The following ZSCAN25 variants were observed in gnomAD, a reference collection of about 807,000 sequenced individuals.
The protein encoded by ZSCAN25 is zinc finger and SCAN domain containing 25.
Under a neutral mutation model 38.7 loss-of-function variants are expected in ZSCAN25, and 27 were observed. That is an observed-to-expected ratio of 0.70 (90% CI 0.51 to 0.96). The LOEUF (loss-of-function observed/expected upper bound fraction) is 0.96, where lower values mean the gene tolerates loss of function less well. ZSCAN25 is among the 40% of genes least tolerant of loss of function. The pLI is 0.00. For synonymous variants in ZSCAN25, 273 were observed against 277.7 expected, an observed-to-expected ratio of 0.98 and a Z score of 0.17; for missense variants, 637 against 705.9, an observed-to-expected ratio of 0.90 and a Z score of 1.11.
chr7:99,666,817 A>G, the ZSCAN25 span: 4 of 1,581,654 alleles, frequency 2.5e-6, no homozygotes, highest in East Asian at 2.3e-5. Flanking sequence ...TTTTCTGTAC[A>G]TAAAGATAAA....
the ZSCAN25 span, among the ~76,000 whole-genome samples, chr7:99,653,707 A>ACAGCCACACCAGGGT: frequency 6.6e-6 from 1 of 152,304 alleles, no homozygotes; most frequent in African/African-American, 2.4e-5. This position sits in a 1 kb window ranked among gnomAD's most constrained non-coding sequence, Gnocchi z 4.2. Context: ...TGTCTGCCTC[A>ACAGCCACACCAGGGT]CAGCCACACC....
At chr7:99,653,601 C>G in the ZSCAN25 span, among the ~76,000 whole-genome samples, 2 of 152,086 alleles carry the variant, frequency 1.3e-5, no homozygotes, top group African/African-American at 4.8e-5. This position sits in a 1 kb window ranked among gnomAD's most constrained non-coding sequence, Gnocchi z 4.2. Flanking sequence ...AATAGAACCC[C>G]ACACTCAGCC....
chr7:99,671,096 T>C, the ZSCAN25 span: 1 of 149,656 alleles, frequency 6.7e-6, no homozygotes, highest in Non-Finnish European at 1.5e-5. Flanking sequence ...AGATATATAA[T>C]GAAAACTATA....
chr7:99,655,526 T>C, the ZSCAN25 span, among the ~76,000 whole-genome samples: 1 of 152,222 alleles, frequency 6.6e-6, no homozygotes, highest in South Asian at 2.1e-4. Context: ...GCCTCCGGCT[T>C]TGTTCTTTTG....
At chr7:99,632,660 G>A (rs1321164335), downstream of ZSCAN25, among the ~76,000 whole-genome samples, 3 of 152,132 alleles carry the variant, frequency 2.0e-5, no homozygotes, top group Admixed American at 6.5e-5. Flanking sequence ...CATGGGTGGT[G>A]CATGCCTGTG....
At chr7:99,645,230 C>A in the ZSCAN25 span, among the ~76,000 whole-genome samples, 1 of 152,198 alleles carries the variant, frequency 6.6e-6, no homozygotes, top group African/African-American at 2.4e-5. Context: ...ACCTCGTTAT[C>A]TGCCCACCTC....
the ZSCAN25 span, chr7:99,647,390 TGAAA>T: frequency 2.9e-6 from 2 of 691,762 alleles, no homozygotes; most frequent in African/African-American, 1.9e-5. Context: ...GGAGGGAAAA[TGAAA>T]GAATAAAAAA....
At chr7:99,639,317 C>T in the ZSCAN25 span, among the ~76,000 whole-genome samples, 1 of 152,222 alleles carries the variant, frequency 6.6e-6, no homozygotes, top group Admixed American at 6.5e-5. Context: ...AAGTCTCCAC[C>T]TAGTTCCTAG....
At chr7:99,730,855 T>C in the ZSCAN25 span, 1 of 599,082 alleles carries the variant, frequency 1.7e-6, no homozygotes, top group East Asian at 3.1e-5. Context: ...ATTTGGGCTG[T>C]CCAACTGAGG....
chr7:99,642,002 A>T, the ZSCAN25 span, among the ~76,000 whole-genome samples: 1 of 152,210 alleles, frequency 6.6e-6, no homozygotes, highest in South Asian at 2.1e-4. Flanking sequence ...AAGTCCTTTC[A>T]TACCTGACAG....
chr7:99,718,512 A>C, the ZSCAN25 span, among the ~76,000 whole-genome samples: 11 of 152,286 alleles, frequency 7.2e-5, no homozygotes, highest in Admixed American at 5.9e-4. Context: ...TTAAAAATTC[A>C]GCAAACTAGG....
rs1584355186 is a variant in ZSCAN25, at chr7:99,624,171, G to A, written c.796G>A (p.Val266Ile). 2.5e-6 allele frequency: 4 copies of A among 1,613,642 alleles called. No individual in the cohort carries two copies. Among genetic ancestry groups the A allele is most frequent in the South Asian group, 2.2e-5 (2 of 91,056 alleles). Residue 266 changes from valine (V) to isoleucine (I), a missense_variant, in exon 7 of 8, where the codon GTC becomes ATC. Transcript: ENST00000394152. ...GTATGTGGAACCGCAGGACTGCAGGGTCTCTCCAGGTAAGACTGTCTCCAC... is the reference window on the plus strand; with the variant it reads ...GTATGTGGAACCGCAGGACTGCAGGATCTCTCCAGGTAAGACTGTCTCCAC... ...GEYVEPQDCR[V>I]SPGGGSKEKE...
the ZSCAN25 span, among the ~76,000 whole-genome samples, chr7:99,657,476 A>G: frequency 6.6e-6 from 1 of 152,152 alleles, no homozygotes; most frequent in Non-Finnish European, 1.5e-5. Flanking sequence ...GTTCTTTTAC[A>G]TTTGCTGAGG....
chr7:99,733,405 G>C, the ZSCAN25 span, among the ~76,000 whole-genome samples: 1 of 152,138 alleles, frequency 6.6e-6, no homozygotes, highest in African/African-American at 2.4e-5. Flanking sequence ...GTTTGGTAGA[G>C]TAATGCTGCT....
rs1806953668 is a variant in ZSCAN25, at chr7:99,621,482, C to T, written c.497C>T (p.Pro166Leu). Residue 166 changes from proline (P) to leucine (L), a missense_variant, in exon 5 of 8, where the codon CCC becomes CTC. Coordinates refer to ENST00000394152, the MANE Select transcript of ZSCAN25 (RefSeq NM_145115.3). ...PVEVKPEWGMPPGEGVQGPDP... is the reference protein window; with the variant it reads ...PVEVKPEWGMLPGEGVQGPDP... The stretch of plus-strand genomic sequence containing the variant: ...GAGGTCAAGCCTGAATGGGGGATGC[C>T]CCCTGGGGAAGGAGTTCAAGGTCCA... 1 of 1,579,826 alleles carries T rather than the reference C, an allele frequency of 6.3e-7. No individual in the cohort carries two copies. The highest frequency in any genetic ancestry group is 8.6e-7 in the Non-Finnish European group (1 of 1,158,662).
chr7:99,646,750 G>A, the ZSCAN25 span, among the ~76,000 whole-genome samples: 1 of 151,016 alleles, frequency 6.6e-6, no homozygotes, highest in Non-Finnish European at 1.5e-5. Context: ...CTATTGAAAT[G>A]TCATTGTTAT....
At chr7:99,625,731 C>G (rs1240587922) in intron 7 of ZSCAN25, among the ~76,000 whole-genome samples, 5 of 152,158 alleles carry the variant, frequency 3.3e-5, no homozygotes, top group African/African-American at 1.2e-4. Flanking sequence ...CCCTCGCCCC[C>G]ATTCTCAGAA....
At chr7:99,705,505 C>A in the ZSCAN25 span, 1 of 1,613,502 alleles carries the variant, frequency 6.2e-7, no homozygotes. Context: ...GGAAATCAGG[C>A]TCCACTTACG....
chr7:99,656,475 C>T, the ZSCAN25 span, among the ~76,000 whole-genome samples: 112 of 152,228 alleles, frequency 7.4e-4, no homozygotes, highest in African/African-American at 2.5e-3. Context: ...CTGCTGGATT[C>T]GGTTTGCCAG....
Sources: allele counts gnomAD v4.1 joint callset (sites outside exome capture counted in the v4.1 genomes callset), GRCh38; gene constraint gnomAD v4.1.1; non-coding constraint Gnocchi (gnomAD v3.1); transcripts MANE v1.5; gene names NCBI Gene and HGNC (gene_info 2026-07-23, HGNC 2026-07-21).